The following ROBO2 variants were observed in gnomAD, a reference collection of about 807,000 sequenced individuals.
ROBO2 encodes roundabout guidance receptor 2.
In ROBO2, 53 loss-of-function variants were observed where a neutral mutation model predicts 160.8. That is an observed-to-expected ratio of 0.33 (90% confidence interval 0.26 to 0.41). The LOEUF is 0.41. ROBO2 is among the 10% of genes least tolerant of loss of function. ROBO2 has a pLI of 1.00. For missense variants in ROBO2, 1,577 were observed against 1,722.4 expected (o/e 0.92, Z 1.49); for synonymous variants, 664 against 611.7 (o/e 1.09, Z -1.26).
chr3:76,127,184 G>T (rs546745332), intron 2 of ROBO2, among the ~76,000 whole-genome samples: 1 of 151,982 alleles, frequency 6.6e-6, no homozygotes, highest in Non-Finnish European at 1.5e-5. Context: ...GGAAGTTTTG[G>T]ATTAACCAAT....
At chr3:76,129,094 T>G (rs1269148356) in intron 2 of ROBO2, among the ~76,000 whole-genome samples, 1 of 151,844 alleles carries the variant, frequency 6.6e-6, no homozygotes, top group East Asian at 1.9e-4. Flanking sequence ...TCTGGGGACA[T>G]TTTTCTCACT....
chr3:76,896,733 A>G (rs963031005), intron 2 of ROBO2, among the ~76,000 whole-genome samples: 2 of 152,194 alleles, frequency 1.3e-5, no homozygotes, highest in Admixed American at 6.6e-5. Context: ...CTGGGAGTTT[A>G]TCATATCCTC....
intron 2 of ROBO2, among the ~76,000 whole-genome samples, chr3:76,017,490 A>G (rs1164557596): frequency 1.3e-5 from 2 of 152,196 alleles, no homozygotes; most frequent in Non-Finnish European, 2.9e-5. Context: ...AGAAATGGCC[A>G]TGTTATAGTT....
intron 2 of ROBO2, among the ~76,000 whole-genome samples, chr3:77,429,512 C>T (rs2078553378): frequency 6.6e-6 from 1 of 151,810 alleles, no homozygotes; most frequent in African/African-American, 2.4e-5. Context: ...GAATCTCAGG[C>T]AGTATAGAGA....
At chr3:77,583,483 T>C (rs143659360) in intron 16 of ROBO2, among the ~76,000 whole-genome samples, 2 of 152,196 alleles carry the variant, frequency 1.3e-5, no homozygotes, top group African/African-American at 4.8e-5. Context: ...TCATTTCATA[T>C]ATTACACTTT....
intron 2 of ROBO2, among the ~76,000 whole-genome samples, chr3:76,386,406 A>G (rs1053860820): frequency 2.2e-5 from 3 of 137,014 alleles, no homozygotes; most frequent in Non-Finnish European, 4.5e-5. Context: ...CACCTACTAT[A>G]TGTCAGGTAT....
intron 2 of ROBO2, among the ~76,000 whole-genome samples, chr3:76,602,218 C>A (rs2087207608): frequency 6.6e-6 from 1 of 152,172 alleles, no homozygotes; most frequent in African/African-American, 2.4e-5. Flanking sequence ...CTGTCTTCTT[C>A]TGAGACCTCC....
intron 4 of ROBO2, among the ~76,000 whole-genome samples, chr3:77,491,713 A>C (rs1388672020): frequency 6.6e-6 from 1 of 152,092 alleles, no homozygotes; most frequent in Non-Finnish European, 1.5e-5. Flanking sequence ...GTTTTTATGG[A>C]TCGTTTGTCA....
chr3:77,258,284 G>A (rs7632507), intron 2 of ROBO2, among the ~76,000 whole-genome samples: 12,871 of 152,232 alleles, frequency 0.085, 1,554 homozygotes, highest in African/African-American at 0.27. Flanking sequence ...GCTGGCTTAA[G>A]TTATAACCAA....
intron 2 of ROBO2, among the ~76,000 whole-genome samples, chr3:76,282,325 G>A (rs544256990): frequency 3.9e-5 from 6 of 151,916 alleles, no homozygotes; most frequent in Non-Finnish European, 4.4e-5. Flanking sequence ...AGATACAAAT[G>A]AGAAATAATA....
intron 2 of ROBO2, among the ~76,000 whole-genome samples, chr3:77,393,555 T>C (rs1041836152): frequency 1.6e-4 from 24 of 148,838 alleles, no homozygotes; most frequent in African/African-American, 5.6e-4. Flanking sequence ...ATTTTATATA[T>C]AGTTAATAGT....
chr3:76,061,825 C>CT (rs2068079209), intron 2 of ROBO2, among the ~76,000 whole-genome samples: 1 of 152,112 alleles, frequency 6.6e-6, no homozygotes, highest in South Asian at 2.1e-4. Flanking sequence ...GACTGAATTC[C>CT]TTTCTGGAGG....
intron 2 of ROBO2, among the ~76,000 whole-genome samples, chr3:76,825,136 C>T (rs955424394): frequency 1.3e-5 from 2 of 152,142 alleles, no homozygotes; most frequent in African/African-American, 4.8e-5. Flanking sequence ...ATACCTTCCT[C>T]TTACACTGAC....
intron 2 of ROBO2, among the ~76,000 whole-genome samples, chr3:77,460,665 T>C (rs2082146290): frequency 6.6e-6 from 1 of 152,208 alleles, no homozygotes; most frequent in Non-Finnish European, 1.5e-5. Flanking sequence ...TGCAATGCTT[T>C]CGTGGTAATG....
exon 26 of ROBO2, chr3:77,646,265 G>A (rs2095412113): frequency 2.4e-6 from 1 of 411,974 alleles, no homozygotes. Flanking sequence ...ACTCTTTCTT[G>A]TCAGGAGTAT....
At chr3:77,014,438 C>T (rs552203960) in intron 2 of ROBO2, among the ~76,000 whole-genome samples, 1 of 152,262 alleles carries the variant, frequency 6.6e-6, no homozygotes, top group Admixed American at 6.5e-5. Flanking sequence ...GACGGAGATA[C>T]TCATAAGGTG....
At chr3:75,985,263 C>T (rs1463878703) in intron 2 of ROBO2, among the ~76,000 whole-genome samples, 1 of 151,364 alleles carries the variant, frequency 6.6e-6, no homozygotes, top group Non-Finnish European at 1.5e-5. Flanking sequence ...TAAGTGAAGA[C>T]AGAGGTGGTA....
intron 2 of ROBO2, among the ~76,000 whole-genome samples, chr3:76,810,568 C>CT (rs1275700141): frequency 6.6e-6 from 1 of 151,976 alleles, no homozygotes; most frequent in African/African-American, 2.4e-5. Flanking sequence ...AAGACACCAG[C>CT]TAGGAGATAA....
chr3:75,911,732 A>G (rs1184577586), intron 1 of ROBO2, among the ~76,000 whole-genome samples: 1 of 150,708 alleles, frequency 6.6e-6, no homozygotes, highest in Non-Finnish European at 1.5e-5. Context: ...TAATTTTTGT[A>G]TTTTTAGTAG....
Sources: gnomAD v4.1 joint callset for allele counts (sites outside exome capture counted in the v4.1 genomes callset) on GRCh38, gnomAD v4.1.1 for gene constraint, MANE v1.5 for transcripts, NCBI Gene and HGNC (gene_info 2026-07-23, HGNC 2026-07-21) for gene names.